POTEC: variants seen among roughly 807,000 people sequenced by gnomAD.
POTEC encodes ANKRD26-like family B member 2.
A neutral mutation model predicts 62.0 loss-of-function variants in POTEC; 35 were observed. The ratio of observed to expected loss-of-function variants is 0.56; its 90% CI spans 0.43 to 0.75. The LOEUF is 0.75. Ranked by LOEUF, POTEC falls within the 30% of genes least tolerant of loss-of-function variation. The pLI, the probability that POTEC is intolerant of heterozygous loss-of-function variation, is 0.00. For synonymous variants in POTEC, 156 were observed against 221.5 expected (o/e 0.70, Z 2.62); for missense variants, 472 against 655.9 (o/e 0.72, Z 3.06).
intron 9 of POTEC, among the ~76,000 whole-genome samples, chr18:14,521,284 T>C (rs1165501065): frequency 2.0e-5 from 3 of 152,130 alleles, no homozygotes; most frequent in African/African-American, 7.2e-5. Flanking sequence ...ACACAGCAGA[T>C]ATTACAAGAA....
At chr18:14,533,730 T>G (rs1905606975) in intron 4 of POTEC, among the ~76,000 whole-genome samples, 2 of 152,168 alleles carry the variant, frequency 1.3e-5, no homozygotes, top group African/African-American at 2.4e-5. Context: ...CACAGCCAAC[T>G]TTGAAGGATA....
At chr18:14,526,049 A>C (rs920285844) in intron 6 of POTEC, among the ~76,000 whole-genome samples, 4 of 151,888 alleles carry the variant, frequency 2.6e-5, no homozygotes, top group African/African-American at 7.2e-5. Context: ...TTACAGGCAC[A>C]CACCATCATG....
rs1280309952 is a variant in POTEC, at chr18:14,509,446, G to C, written c.*2452C>G. ...CTTCATCTTCAGTGGCAGTTGGTGT[G>C]GGTTGGGGTGTGTGCTGCATTCCCA... On this transcript the variant is annotated 3_prime_UTR_variant, in exon 11 of 11. Coordinates refer to ENST00000358970, the MANE Select transcript of POTEC (RefSeq NM_001137671.2). The C allele has an allele frequency of 6.6e-6, 1 of 151,768 alleles. No homozygotes were observed. Among genetic ancestry groups the C allele is most frequent in the African/African-American group, 2.4e-5 (1 of 41,316 alleles). The allele number at this position is 151,768 out of a possible 1,614,324, so 9.4% of individuals were successfully genotyped here. A position where few individuals can be genotyped will look rare whatever the true frequency, so the allele number is the denominator to read the frequency against.
At chr18:14,531,886 T>C (rs1255392452) in intron 5 of POTEC, 1 of 151,910 alleles carries the variant, frequency 6.6e-6, no homozygotes. Context: ...TTCTGAGAAT[T>C]CTCTTCAATG....
Position 14,533,314 on chromosome 18 carries a change from A to G in POTEC, c.918-116T>C. 2.6e-6 allele frequency: 4 copies of G among 1,534,358 alleles called. No homozygotes were observed. In the South Asian group the frequency reaches 5.1e-5, roughly 20 times the overall value. On this transcript the variant is annotated intron_variant, in intron 4 of 10. Transcript: ENST00000358970. ...CCTGTCCATGCAGAATCAAACATTT[A>G]CATGCACTAAAAGACATAAGCATCT...
chr18:14,535,669 T>C (rs1905688378), intron 3 of POTEC, among the ~76,000 whole-genome samples: 1 of 151,986 alleles, frequency 6.6e-6, no homozygotes, highest in South Asian at 2.1e-4. Flanking sequence ...GCCAAAGCTC[T>C]ACAAACTTAA....
chr18:14,537,814 T>C lies in POTEC; in HGVS notation c.797A>G (p.Glu266Gly), dbSNP rs750752825. Residue 266 changes from glutamate (E) to glycine (G), a missense_variant, in exon 3 of 11, where the codon GAA (glutamate) becomes GGA (glycine). Glu to Gly is a moderately conservative substitution (Grantham distance 98, BLOSUM62 -2). Around this residue, in one of 5 missense-constraint regions of POTEC, gnomAD observed 52 missense variants for 54.2 expected, o/e 0.96. Transcript: ENST00000358970. ...GTAGATCTATACCTTGTTTTTTGAT[T>C]CAATATCAGCACCATATAAGAGCAG... is the stretch of plus-strand genomic sequence containing the variant. The part of the protein sequence containing the change: ...KALLLYGADI[E>G]SKNKCGLTPL... 6.2e-7 allele frequency: 1 copy of C among 1,611,454 alleles called. No individual in the cohort carries two copies. Among genetic ancestry groups the C allele is most frequent in the East Asian group, 2.2e-5 (1 of 44,848 alleles).
intron 1 of POTEC, among the ~76,000 whole-genome samples, chr18:14,539,428 C>T (rs917463687): frequency 2.8e-5 from 4 of 141,724 alleles, no homozygotes; most frequent in African/African-American, 1.1e-4. Flanking sequence ...TCCTTCCTCC[C>T]ACCCTCCACC....
intron 3 of POTEC, among the ~76,000 whole-genome samples, chr18:14,537,237 C>A: frequency 8.5e-6 from 1 of 117,508 alleles, no homozygotes; most frequent in East Asian, 2.5e-4. Flanking sequence ...AAAAAAAAAC[C>A]TCTTCATGGT....
Position 14,508,223 on chromosome 18 carries a change from T to C in POTEC, c.*3675A>G, listed in dbSNP as rs1378117130. The C allele has an allele frequency of 6.6e-6, 1 of 152,476 alleles. No individual in the cohort carries two copies. The highest frequency in any genetic ancestry group is 2.4e-5 in the African/African-American group (1 of 41,472). The allele number at this position is 152,476 out of a possible 1,614,324, so 9.4% of individuals were successfully genotyped here. A position where few individuals can be genotyped will look rare whatever the true frequency, so the allele number is the denominator to read the frequency against. On this transcript the variant is annotated 3_prime_UTR_variant, in exon 11 of 11. Coordinates refer to ENST00000358970, the MANE Select transcript of POTEC (RefSeq NM_001137671.2). ...CATTAATCAGTCATAGATTTGGTCG[T>C]TTATATAATCCCATATTTCTCGGAT...
chr18:14,535,263 G>A (rs1238620800), intron 3 of POTEC, among the ~76,000 whole-genome samples: 1 of 144,858 alleles, frequency 6.9e-6, no homozygotes, highest in African/African-American at 2.6e-5. Flanking sequence ...TTCTAAACGA[G>A]CATTTGGCAT....
chr18:14,512,034 A>G (rs766262730), intron 10 of POTEC, 41 bp from the exon 11 acceptor site: 1 of 1,394,156 alleles, frequency 7.2e-7, no homozygotes, highest in Non-Finnish European at 1.0e-6. Context: ...ACTCAATAGA[A>G]TGACATATCA....
chr18:14,525,046 T>G, intron 6 of POTEC, 63 bp from the exon 7 acceptor site: 1 of 1,573,534 alleles, frequency 6.4e-7, no homozygotes, highest in East Asian at 2.3e-5. Flanking sequence ...AACTATTGCC[T>G]TTATAAAAAC....
In POTEC at chr18:14,507,924, T is replaced by C. The variant is rs1035888463; in HGVS notation, c.*3974A>G. 4 of 152,216 alleles carry C rather than the reference T, an allele frequency of 2.6e-5. No individual in the cohort carries two copies. The highest frequency in any genetic ancestry group is 9.6e-5 in the African/African-American group (4 of 41,460). The allele number at this position is 152,216 out of a possible 1,614,324, so 9.4% of individuals were successfully genotyped here. A position where few individuals can be genotyped will look rare whatever the true frequency, so the allele number is the denominator to read the frequency against. ...TCTTTTCTGGCTTGTACAGTTTCAGTTGAGAGGTCTGCTAAGTCTGATGGA... is the reference window on the plus strand; with the variant it reads ...TCTTTTCTGGCTTGTACAGTTTCAGCTGAGAGGTCTGCTAAGTCTGATGGA... On this transcript the variant is annotated 3_prime_UTR_variant, in exon 11 of 11. Coordinates refer to ENST00000358970, the MANE Select transcript of POTEC (RefSeq NM_001137671.2).
chr18:14,527,043 ATAAAGT>A (rs1910454566), intron 6 of POTEC, among the ~76,000 whole-genome samples: 2 of 152,152 alleles, frequency 1.3e-5, no homozygotes, highest in Non-Finnish European at 1.5e-5. Flanking sequence ...AAGGTGCTTT[ATAAAGT>A]TATAGTGTAT....
chr18:14,540,084 CTAAAA>C (rs1050261252), intron 1 of POTEC, among the ~76,000 whole-genome samples: 8 of 137,840 alleles, frequency 5.8e-5, no homozygotes, highest in Non-Finnish European at 7.8e-5. Flanking sequence ...TATAACTAAA[CTAAAA>C]TAATTAATCC....
rs1910091135 is a variant in POTEC, at chr18:14,514,306, GC to G, written c.1410-522del. On this transcript the variant is annotated intron_variant, in intron 9 of 10. Transcript: ENST00000358970. ...CACCGCTGATCTGACAGGAGGAGGA[GC>G]TCAGAAGGTAATGTGAGTGACAGAG... Among the ~76,000 whole-genome samples, 3 of 151,792 alleles carry G rather than the reference GC, an allele frequency of 2.0e-5. No individual in the cohort carries two copies. The South Asian group carries it at 6.3e-4, about 32-fold the overall frequency.
intron 6 of POTEC, chr18:14,527,673 A>C (rs1910472183): frequency 6.6e-6 from 1 of 152,140 alleles, no homozygotes; most frequent in Non-Finnish European, 1.5e-5. Flanking sequence ...TACCACTGCC[A>C]CTGAGAACAT....
intron 6 of POTEC, chr18:14,528,945 C>T: frequency 2.2e-6 from 1 of 454,412 alleles, no homozygotes; most frequent in African/African-American, 2.0e-5. Flanking sequence ...GCACTTGCTG[C>T]TCTTCCTGCC....
Sources: gnomAD v4.1 joint callset for allele counts (sites outside exome capture counted in the v4.1 genomes callset) on GRCh38, gnomAD v4.1.1 for gene constraint, gnomAD v4.1.1 regional missense constraint, MANE v1.5 for transcripts, NCBI Gene and HGNC (gene_info 2026-07-23, HGNC 2026-07-21) for gene names.